The following ASPH variants were observed in gnomAD, a reference collection of about 807,000 sequenced individuals.
ASPH encodes aspartyl/asparaginyl beta-hydroxylase.
In ASPH, 100 loss-of-function variants were observed where a neutral mutation model predicts 118.4. The ratio of observed to expected loss-of-function variants is 0.84; its 90% CI spans 0.72 to 1.00. The LOEUF is 1.00. Among genes scored for constraint, ASPH ranks in the 50% least tolerant of loss-of-function variants. The pLI, the probability that ASPH is intolerant of heterozygous loss-of-function variation, is 0.00. For missense variants in ASPH, 920 were observed against 919.5 expected (o/e 1.00, Z -0.01); for synonymous variants, 315 against 325.6 (o/e 0.97, Z 0.35).
chr8:61,575,826 C>G (rs1231525739), intron 16 of ASPH, among the ~76,000 whole-genome samples: 1 of 152,158 alleles, frequency 6.6e-6, no homozygotes, highest in African/African-American at 2.4e-5. Flanking sequence ...CAGAGCCACG[C>G]CTCCTCGACT....
chr8:61,576,669 T>C, intron 16 of ASPH, 103 bp downstream of exon 16: 2 of 971,462 alleles, frequency 2.1e-6, no homozygotes, highest in South Asian at 3.9e-5. Context: ...AAACTGATTC[T>C]GTAGAGAAAT....
At chr8:61,578,146 C>G in intron 15 of ASPH, 1 of 1,460,914 alleles carries the variant, frequency 6.8e-7, no homozygotes, top group Middle Eastern at 2.0e-4. Context: ...GAAATTGGAC[C>G]AAGAAGCAGC....
At chr8:61,541,067 G>T (rs1201506851) in intron 21 of ASPH, among the ~76,000 whole-genome samples, 2 of 152,136 alleles carry the variant, frequency 1.3e-5, no homozygotes, top group African/African-American at 4.8e-5. Context: ...AGACCATCCT[G>T]GTTAACAAGG....
At chr8:61,705,120 C>T (rs1836267133) in intron 1 of ASPH, among the ~76,000 whole-genome samples, 1 of 152,074 alleles carries the variant, frequency 6.6e-6, no homozygotes, top group East Asian at 1.9e-4. Context: ...AGCTGGAGGC[C>T]ACTATCCTAA....
At chr8:61,633,545 G>T in intron 13 of ASPH, 138 bp downstream of exon 13, 2 of 712,262 alleles carry the variant, frequency 2.8e-6, no homozygotes, top group Non-Finnish European at 4.4e-6. Context: ...GATCAAAACA[G>T]AAAAATTCTA....
intron 5 of ASPH, among the ~76,000 whole-genome samples, chr8:61,648,678 A>G (rs557359763): frequency 2.1e-4 from 32 of 152,202 alleles, no homozygotes; most frequent in Non-Finnish European, 4.0e-4. Flanking sequence ...GAGTCTCATC[A>G]TGAAAAATTT....
At position 61,680,892 on chromosome 8, in the gene ASPH, T is replaced by C. The variant is rs771295526; in HGVS notation, c.322+76A>G. The C allele has an allele frequency of 1.2e-5, 15 of 1,255,320 alleles. No homozygotes were observed. The Admixed American group carries it at 1.8e-4, about 15-fold the overall frequency. 77.8% of individuals were successfully genotyped at this position (1,255,320 alleles called of 1,614,324 possible). On this transcript the variant is annotated intron_variant, in intron 3 of 24. Transcript: ENST00000379454. ...TCCTGTAAGATATATACTATTGAGA[T>C]AGATATTATTAAAGCAAAAATAATT... is the stretch of plus-strand genomic sequence containing the variant.
intron 1 of ASPH, among the ~76,000 whole-genome samples, chr8:61,701,159 AG>A (rs545836344): frequency 1.3e-3 from 201 of 152,324 alleles, no homozygotes; most frequent in African/African-American, 4.7e-3. Context: ...AAAGATAAAT[AG>A]TAAGATATTG....
chr8:61,684,259 T>C, intron 1 of ASPH, 71 bp from the exon 2 acceptor site: 1 of 1,458,036 alleles, frequency 6.9e-7, no homozygotes, highest in Non-Finnish European at 9.3e-7. Context: ...CACAATTATT[T>C]CTCCAATAAT....
At chr8:61,594,211 G>A (rs562492824) in intron 14 of ASPH, among the ~76,000 whole-genome samples, 1 of 152,110 alleles carries the variant, frequency 6.6e-6, no homozygotes, top group African/African-American at 2.4e-5. Flanking sequence ...CCAGTCACCA[G>A]GGAATGTTAA....
At chr8:61,620,040 A>G (rs919809124) in intron 13 of ASPH, among the ~76,000 whole-genome samples, 8 of 152,240 alleles carry the variant, frequency 5.3e-5, no homozygotes, top group Non-Finnish European at 1.0e-4. Flanking sequence ...ACATTCATTC[A>G]TATAAAACAT....
intron 13 of ASPH, chr8:61,626,051 C>T: frequency 2.4e-6 from 3 of 1,233,656 alleles, no homozygotes; most frequent in Non-Finnish European, 3.0e-6. Context: ...AAGGGACATG[C>T]AGGAATGTAA....
chr8:61,505,912 G>A (rs1242795647), intron 24 of ASPH, among the ~76,000 whole-genome samples: 1 of 152,184 alleles, frequency 6.6e-6, no homozygotes, highest in African/African-American at 2.4e-5. Context: ...CATTTTCTAG[G>A]TCTCAGTGTT....
intron 21 of ASPH, among the ~76,000 whole-genome samples, chr8:61,531,090 A>AT (rs548323116): frequency 1.3e-5 from 2 of 152,048 alleles, no homozygotes; most frequent in East Asian, 1.9e-4. Flanking sequence ...CACATGCAGC[A>AT]TTTTTTTTCT....
chr8:61,633,432 A>G (rs1181218543), intron 13 of ASPH: 3 of 311,232 alleles, frequency 9.6e-6, no homozygotes, highest in South Asian at 1.2e-4. Flanking sequence ...ACCACCATCT[A>G]TAATGGCAAA....
In ASPH at chr8:61,562,842, C is replaced by G; in HGVS notation, c.1339G>C (p.Val447Leu). Reference protein sequence around the residue: ...RGSLLTLQRLVQLFPNDTSLK... With the variant: ...RGSLLTLQRLLQLFPNDTSLK... The stretch of plus-strand genomic sequence containing the variant: ...GAAGTATCATTGGGAAATAGTTGAA[C>G]TAATCTCTGCAGGGTAAGCAGGGAA... Residue 447 changes from valine to leucine, a missense_variant, in exon 18 of 25, where the codon GTT becomes CTT. By Grantham distance (32) the Val-to-Leu change is conservative (BLOSUM62 1). Transcript: ENST00000379454. 6.2e-7 allele frequency: 1 copy of G among 1,612,278 alleles called. No homozygotes were observed. Among genetic ancestry groups the G allele is most frequent in the Non-Finnish European group, 8.5e-7 (1 of 1,179,310 alleles).
At position 61,638,020 on chromosome 8, in the gene ASPH, A is replaced by C. The variant is rs751334195; in HGVS notation, c.833-17T>G. The C allele has an allele frequency of 6.2e-7, 1 of 1,601,154 alleles. No individual in the cohort carries two copies. The highest frequency in any genetic ancestry group is 2.2e-5 in the East Asian group (1 of 44,600). ...CAGTTACTTCTAAAATAAAGAATAA[A>C]ATCAGAATCCATTACATGTTGCTGA... is the stretch of plus-strand genomic sequence containing the variant. On this transcript the variant is annotated splice_polypyrimidine_tract_variant and intron_variant, in intron 11 of 24. Coordinates refer to ENST00000379454, the MANE Select transcript of ASPH (RefSeq NM_004318.4).
intron 14 of ASPH, among the ~76,000 whole-genome samples, chr8:61,601,508 C>G (rs1843966703): frequency 6.7e-6 from 1 of 149,664 alleles, no homozygotes; most frequent in Admixed American, 6.6e-5. Context: ...CCAGTGCACT[C>G]CAGCCTGGGT....
chr8:61,514,720 A>AG (rs1300241448), intron 24 of ASPH, among the ~76,000 whole-genome samples: 7 of 151,984 alleles, frequency 4.6e-5, no homozygotes, highest in African/African-American at 1.5e-4. Flanking sequence ...AAAACAAAAC[A>AG]AAACAAAAAC....
Sources: allele counts gnomAD v4.1 joint callset (sites outside exome capture counted in the v4.1 genomes callset), GRCh38; gene constraint gnomAD v4.1.1; transcripts MANE v1.5; gene names NCBI Gene and HGNC (gene_info 2026-07-23, HGNC 2026-07-21).